NPHP4: variants seen among roughly 807,000 people sequenced by gnomAD.
NPHP4 encodes nephrocystin-4.
In NPHP4, 151 loss-of-function variants were observed where a neutral mutation model predicts 155.8. The observed-to-expected ratio is 0.97, with a 90% CI of 0.85 to 1.11. The LOEUF (loss-of-function observed/expected upper bound fraction) is 1.11. Among genes scored for constraint, NPHP4 ranks in the 50% least tolerant of loss-of-function variants. The pLI is 0.00. For synonymous variants in NPHP4, 845 were observed against 816.8 expected (o/e 1.03, Z -0.59); for missense variants, 1,956 against 1,925.7 (o/e 1.02, Z -0.29).
chr1:5,936,818 C>T (rs1570523937), intron 9 of NPHP4, among the ~76,000 whole-genome samples: 1 of 152,280 alleles, frequency 6.6e-6, no homozygotes, highest in South Asian at 2.1e-4. Flanking sequence ...GCCTAATCCC[C>T]GGAACCTGTG....
intron 10 of NPHP4, among the ~76,000 whole-genome samples, chr1:5,929,301 C>A (rs1433158315): frequency 6.6e-6 from 1 of 151,684 alleles, no homozygotes; most frequent in East Asian, 1.9e-4. Context: ...TCTTGACTTA[C>A]AGCACTGACT....
chr1:5,924,066 T>C (rs550266221), intron 11 of NPHP4, among the ~76,000 whole-genome samples: 7 of 152,294 alleles, frequency 4.6e-5, no homozygotes, highest in Admixed American at 3.3e-4. Context: ...GACGAACTTC[T>C]AGAGATGAAA....
intron 1 of NPHP4, among the ~76,000 whole-genome samples, chr1:5,990,720 G>A (rs1656117474): frequency 1.3e-5 from 2 of 152,264 alleles, no homozygotes; most frequent in Non-Finnish European, 1.5e-5. Flanking sequence ...AATCAAGGAG[G>A]CCAGGAGAGG....
intron 7 of NPHP4, among the ~76,000 whole-genome samples, chr1:5,951,891 G>A (rs763580198): frequency 3.3e-5 from 5 of 152,182 alleles, no homozygotes; most frequent in African/African-American, 9.7e-5. Context: ...CCAGAGCATC[G>A]CTGGGACGGA....
In NPHP4 at chr1:5,905,500, C is replaced by A; in HGVS notation, c.1764-17G>T. ...CCTGCAGAGCTGAGACACAGAGACT[C>A]CTCAGGTAGCCTCCCGGGAAAGGGG... On this transcript the variant is annotated splice_polypyrimidine_tract_variant and intron_variant, in intron 14 of 29. Coordinates refer to ENST00000378156, the MANE Select transcript of NPHP4 (RefSeq NM_015102.5). The surrounding 1 kb of genome is among the most constrained non-coding windows in gnomAD (Gnocchi z 4.0). 6.3e-7 allele frequency: 1 copy of A among 1,598,358 alleles called. No homozygotes were observed.
intron 11 of NPHP4, among the ~76,000 whole-genome samples, chr1:5,924,680 G>A (rs1645906236): frequency 6.6e-6 from 1 of 152,152 alleles, no homozygotes; most frequent in African/African-American, 2.4e-5. Context: ...TTTGAGACAA[G>A]GTCTCACTCT....
chr1:5,896,622 A>C (rs933777583), intron 16 of NPHP4, among the ~76,000 whole-genome samples: 3 of 152,244 alleles, frequency 2.0e-5, no homozygotes, highest in African/African-American at 7.2e-5. Flanking sequence ...GAAAAATTCT[A>C]AATCTGACTT....
chr1:5,871,601 C>G (rs1415705600), intron 23 of NPHP4, among the ~76,000 whole-genome samples: 1 of 152,212 alleles, frequency 6.6e-6, no homozygotes, highest in East Asian at 1.9e-4. Context: ...GGATGGAACA[C>G]GCAGTGGGCC....
intron 2 of NPHP4, 68 bp downstream of exon 2, chr1:5,986,087 C>A: frequency 1.3e-6 from 2 of 1,554,030 alleles, no homozygotes; most frequent in South Asian, 2.3e-5. Flanking sequence ...GACCATCCAT[C>A]TGTTAACTGG....
At chr1:5,990,324 T>C (rs1170657634) in intron 1 of NPHP4, among the ~76,000 whole-genome samples, 1 of 151,796 alleles carries the variant, frequency 6.6e-6, no homozygotes, top group Non-Finnish European at 1.5e-5. Flanking sequence ...CTTTTAAGGA[T>C]GAAATACAAA....
At position 5,952,758 on chromosome 1, in the gene NPHP4, G is replaced by C; in HGVS notation, c.752C>G (p.Ser251Cys). 1 of 1,576,034 alleles carries C rather than the reference G, an allele frequency of 6.3e-7. No individual in the cohort carries two copies. Among genetic ancestry groups the C allele is most frequent in the Admixed American group, 1.8e-5 (1 of 54,314 alleles). ...LDDLFFTLYP[S>C]LEKFEEELLE... ...CAGCTCTTCCTCAAACTTCTCCAGG[G>C]AGGGGTACAGGGTGAAGAATAAGTC... Residue 251 changes from serine to cysteine, a missense_variant, in exon 7 of 30, where the codon TCC (serine) becomes TGC (cysteine). Transcript: ENST00000378156.
intron 11 of NPHP4, among the ~76,000 whole-genome samples, chr1:5,923,094 G>A (rs376627958): frequency 1.3e-5 from 2 of 152,202 alleles, no homozygotes; most frequent in Non-Finnish European, 2.9e-5. Flanking sequence ...CATGAGCCAA[G>A]ACTCAAAAGT....
intron 10 of NPHP4, among the ~76,000 whole-genome samples, chr1:5,932,562 G>A (rs1646330628): frequency 6.6e-6 from 1 of 152,016 alleles, no homozygotes; most frequent in Non-Finnish European, 1.5e-5. Flanking sequence ...TGGGGCCAAG[G>A]AGGCTGGGGA....
At position 5,890,774 on chromosome 1, in the gene NPHP4, G is replaced by T; in HGVS notation, c.2304+94C>A. 1 of 1,238,576 alleles carries T rather than the reference G, an allele frequency of 8.1e-7. No individual in the cohort carries two copies. The highest frequency in any genetic ancestry group is 1.1e-6 in the Non-Finnish European group (1 of 877,656). The allele number at this position is 1,238,576 out of a possible 1,614,324, so 76.7% of individuals were successfully genotyped here. A position where few individuals can be genotyped will look rare whatever the true frequency, so the allele number is the denominator to read the frequency against. On this transcript the variant is annotated intron_variant, in intron 17 of 29. Transcript: ENST00000378156. The surrounding 1 kb of genome is among the most constrained non-coding windows in gnomAD (Gnocchi z 4.9). ...TCAAACAAGTCCTGTGCGGGATAGC[G>T]CCCGCTCCTTCCAAGCAGACAGACG...
intron 9 of NPHP4, among the ~76,000 whole-genome samples, chr1:5,942,729 A>G (rs181858243): frequency 9.9e-5 from 15 of 152,266 alleles, no homozygotes; most frequent in African/African-American, 3.6e-4. Flanking sequence ...TCAGTTCAAC[A>G]GACCCTGGAA....
At chr1:5,914,517 G>A (rs1645362506) in intron 11 of NPHP4, among the ~76,000 whole-genome samples, 1 of 152,194 alleles carries the variant, frequency 6.6e-6, no homozygotes, top group Non-Finnish European at 1.5e-5. Flanking sequence ...GGGTTTCACT[G>A]AGCAGCTATC....
chr1:5,945,021 C>T (rs763233976), intron 9 of NPHP4, among the ~76,000 whole-genome samples: 7 of 152,168 alleles, frequency 4.6e-5, no homozygotes, highest in Non-Finnish European at 8.8e-5. Context: ...GCACCCCAGA[C>T]GCCCATGAAG....
At chr1:5,931,249 G>A (rs185857985) in intron 10 of NPHP4, among the ~76,000 whole-genome samples, 59 of 152,082 alleles carry the variant, frequency 3.9e-4, no homozygotes, top group African/African-American at 1.4e-3. Flanking sequence ...CTATTTACAC[G>A]TAATGTAATT....
chr1:5,873,766 C>G (rs1642251327), intron 22 of NPHP4: 1 of 287,262 alleles, frequency 3.5e-6, no homozygotes, highest in Non-Finnish European at 6.7e-6. Flanking sequence ...TGACACACCC[C>G]CTGCAGGCAC....
Sources: allele counts gnomAD v4.1 joint callset (sites outside exome capture counted in the v4.1 genomes callset), GRCh38; gene constraint gnomAD v4.1.1; non-coding constraint Gnocchi (gnomAD v3.1); transcripts MANE v1.5; gene names NCBI Gene and HGNC (gene_info 2026-07-23, HGNC 2026-07-21).